Variants in PCBP2 observed in about 807,000 individuals in gnomAD.
PCBP2 encodes the protein poly(rC)-binding protein 2.
Under a neutral mutation model 50.1 loss-of-function variants are expected in PCBP2, and 4 were observed. The ratio of observed to expected loss-of-function variants is 0.08; its 90% confidence interval spans 0.04 to 0.18. The LOEUF is 0.18. Ranked by LOEUF, PCBP2 falls within the 10% of genes least tolerant of loss-of-function variation. The pLI is 1.00. For synonymous variants in PCBP2, 179 were observed against 168.0 expected, an observed-to-expected ratio of 1.07 and a Z score of -0.51; for missense variants, 161 against 474.3, an observed-to-expected ratio of 0.34 and a Z score of 6.14.
intron 12 of PCBP2, 186 bp from the exon 13 acceptor site, chr12:53,468,591 T>C (rs1286241667): frequency 6.7e-6 from 4 of 594,330 alleles, no homozygotes; most frequent in Non-Finnish European, 9.0e-6. Context: ...AGAAGAACCT[T>C]TCGAGCATTA....
In PCBP2 at chr12:53,466,072, C is replaced by T. The variant is rs766205342; in HGVS notation, c.714+99C>T. The stretch of plus-strand genomic sequence containing the variant: ...AGTAGCCAGAAGTGAGTTGGGTCTT[C>T]AGCATTTGCAGTATTAAGTTGTTTT... On this transcript the variant is annotated intron_variant, in intron 10 of 14. Coordinates refer to ENST00000546463, the MANE Select transcript of PCBP2 (RefSeq NM_031989.5). The T allele has an allele frequency of 2.2e-5, 21 of 936,774 alleles. 1 individual carries two copies. In the South Asian group the frequency reaches 2.5e-4, roughly 11 times the overall value. The allele number at this position is 936,774 out of a possible 1,614,324, so 58.0% of individuals were successfully genotyped here. A position where few individuals can be genotyped will look rare whatever the true frequency, so the allele number is the denominator to read the frequency against.
chr12:53,478,552 C>G (rs896743275), intron 14 of PCBP2, among the ~76,000 whole-genome samples: 1 of 152,078 alleles, frequency 6.6e-6, no homozygotes, highest in Admixed American at 6.5e-5. Flanking sequence ...GCCTGTAATC[C>G]CAGCACATTG....
chr12:53,461,995 C>T (rs1015710786), intron 7 of PCBP2, among the ~76,000 whole-genome samples: 3 of 152,086 alleles, frequency 2.0e-5, no homozygotes, highest in African/African-American at 4.8e-5. Flanking sequence ...CAGCATGAGC[C>T]GATGCACCCA....
chr12:53,467,921 C>T (rs1178609960), intron 12 of PCBP2, 78 bp downstream of exon 12: 2 of 1,090,584 alleles, frequency 1.8e-6, no homozygotes, highest in Non-Finnish European at 2.8e-6. Flanking sequence ...TTTCACTGCC[C>T]ATGAACCATA....
At chr12:53,477,916 ACTTAT>A (rs1476662809) in intron 14 of PCBP2, among the ~76,000 whole-genome samples, 34 of 152,058 alleles carry the variant, frequency 2.2e-4, no homozygotes, top group Middle Eastern at 3.4e-3. Context: ...TTATGAAATA[ACTTAT>A]CTTATGAACT....
intron 12 of PCBP2, chr12:53,468,488 G>T: frequency 2.3e-6 from 1 of 427,304 alleles, no homozygotes. Flanking sequence ...CCTTTTTGAG[G>T]ATACCACACT....
chr12:53,452,756 C>G (rs1180304872), intron 1 of PCBP2: 1 of 152,050 alleles, frequency 6.6e-6, no homozygotes, highest in Non-Finnish European at 1.5e-5. Flanking sequence ...CTGGCGCAGC[C>G]ACACGGGGAG....
chr12:53,461,597 A>G (rs1189569621), intron 7 of PCBP2, among the ~76,000 whole-genome samples: 1 of 152,236 alleles, frequency 6.6e-6, no homozygotes, highest in Admixed American at 6.5e-5. Flanking sequence ...ATGACTTACA[A>G]GGTCCTGATT....
chr12:53,469,882 C>T lies in PCBP2; in HGVS notation c.882+1050C>T, dbSNP rs1048422045. On this transcript the variant is annotated intron_variant, in intron 13 of 14. Transcript: ENST00000546463. Reference sequence around the variant, plus strand: ...CCAGCCTCCCGAGTAGATGGGACTACAGGCATGTGCCACCATGTCCGGCTG... The same window carrying T: ...CCAGCCTCCCGAGTAGATGGGACTATAGGCATGTGCCACCATGTCCGGCTG... Among the ~76,000 whole-genome samples, 9 of 150,014 alleles carry T rather than the reference C, an allele frequency of 6.0e-5. No homozygotes were observed. In the South Asian group the frequency reaches 1.3e-3, roughly 21 times the overall value.
chr12:53,463,058 T>G (rs1263180970), intron 8 of PCBP2, among the ~76,000 whole-genome samples: 1 of 152,134 alleles, frequency 6.6e-6, no homozygotes, highest in Non-Finnish European at 1.5e-5. Context: ...TGTTGTCCCC[T>G]AGGCTCTTAA....
intron 5 of PCBP2, 24 bp from the exon 6 acceptor site, chr12:53,459,248 T>C (rs764540632): frequency 2.2e-5 from 35 of 1,577,246 alleles, no homozygotes; most frequent in Non-Finnish European, 2.8e-5. Context: ...GATCTGCTTA[T>C]TGTGGTGTTC....
chr12:53,470,501 C>T (rs1403573875), intron 13 of PCBP2, among the ~76,000 whole-genome samples: 1 of 150,694 alleles, frequency 6.6e-6, no homozygotes, highest in East Asian at 2.0e-4. Flanking sequence ...AACTTCCAGG[C>T]TTAAGAGATC....
rs759170014 is a variant in PCBP2, at chr12:53,459,337, G to A, written c.309G>A (p.Val103=). 8 of 1,613,356 alleles carry A rather than the reference G, an allele frequency of 5.0e-6. No individual in the cohort carries two copies. The African/African-American group carries it at 1.1e-4, about 22-fold the overall frequency. Residue 103 remains valine (V), a synonymous_variant, in exon 6 of 15, where the codon GTG becomes GTA. Coordinates refer to ENST00000546463, the MANE Select transcript of PCBP2 (RefSeq NM_031989.5). The stretch of plus-strand genomic sequence containing the variant: ...GACCCCCGGTCACCCTGAGGCTGGT[G>A]GTCCCTGCTAGTCAGTGTGGCTCTC... ...ASRPPVTLRL[V]VPASQCGSLI...
chr12:53,464,629 C>CG, intron 8 of PCBP2, 131 bp from the exon 9 acceptor site: 15 of 1,281,302 alleles, frequency 1.2e-5, no homozygotes, highest in Non-Finnish European at 1.4e-5. Flanking sequence ...CAGCTCGTTT[C>CG]AAATTGTGTC....
intron 11 of PCBP2, 57 bp from the exon 12 acceptor site, chr12:53,467,747 CT>C: frequency 7.4e-7 from 1 of 1,358,316 alleles, no homozygotes; most frequent in Non-Finnish European, 1.0e-6. Context: ...TAAGGAATAA[CT>C]TGTCCGATAG....
intron 2 of PCBP2, 130 bp downstream of exon 2, chr12:53,454,999 A>G: frequency 1.3e-6 from 1 of 774,912 alleles, no homozygotes; most frequent in Non-Finnish European, 2.2e-6. Flanking sequence ...TCCCTAATGG[A>G]GTAGAAGTGA....
intron 14 of PCBP2, chr12:53,475,888 C>T (rs1356854678): frequency 2.0e-5 from 3 of 152,178 alleles, no homozygotes; most frequent in Non-Finnish European, 4.4e-5. Flanking sequence ...CTCAGATGGC[C>T]TTACCTTGCC....
At chr12:53,477,298 T>A (rs968841259) in intron 14 of PCBP2, among the ~76,000 whole-genome samples, 3 of 152,132 alleles carry the variant, frequency 2.0e-5, no homozygotes, top group African/African-American at 4.8e-5. Context: ...AACCCTTTAA[T>A]CCAGGGCTAT....
intron 14 of PCBP2, among the ~76,000 whole-genome samples, chr12:53,477,319 T>C (rs1477644680): frequency 6.6e-6 from 1 of 152,132 alleles, no homozygotes; most frequent in Non-Finnish European, 1.5e-5. Flanking sequence ...TGTTTACCTT[T>C]CCTTAGATCA....
Sources: gnomAD v4.1 joint callset for allele counts (sites outside exome capture counted in the v4.1 genomes callset) on GRCh38, gnomAD v4.1.1 for gene constraint, MANE v1.5 for transcripts, NCBI Gene and HGNC (gene_info 2026-07-23, HGNC 2026-07-21) for gene names.